Variants in TDRD1 observed in about 807,000 individuals in gnomAD.
The protein encoded by TDRD1 is tudor domain containing 1, also known as tudor domain-containing protein 1.
Under a neutral mutation model 140.6 loss-of-function variants are expected in TDRD1, and 37 were observed. The ratio of observed to expected loss-of-function variants is 0.26; its 90% CI spans 0.20 to 0.35. The LOEUF (loss-of-function observed/expected upper bound fraction) is 0.35. TDRD1 is among the 10% of genes least tolerant of loss of function. The pLI, the probability that TDRD1 is intolerant of heterozygous loss-of-function variation, is 1.00. For missense variants in TDRD1, 1,243 were observed against 1,393.0 expected, an observed-to-expected ratio of 0.89 and a Z score of 1.71; for synonymous variants, 506 against 475.7, an observed-to-expected ratio of 1.06 and a Z score of -0.83.
chr10:114,194,906 T>G (rs2120351273), intron 3 of TDRD1, among the ~76,000 whole-genome samples: 1 of 150,950 alleles, frequency 6.6e-6, no homozygotes, highest in African/African-American at 2.4e-5. Flanking sequence ...ACTACAGGTG[T>G]ATGCCACCAC....
intron 1 of TDRD1, among the ~76,000 whole-genome samples, chr10:114,187,492 A>G (rs1220622820): frequency 6.6e-6 from 1 of 152,228 alleles, no homozygotes; most frequent in Non-Finnish European, 1.5e-5. Flanking sequence ...TTAAAGTGTA[A>G]GCTTTAGGTT....
chr10:114,224,141 T>C (rs910485041), intron 21 of TDRD1, among the ~76,000 whole-genome samples: 3 of 152,248 alleles, frequency 2.0e-5, no homozygotes, highest in Admixed American at 1.3e-4. Flanking sequence ...TTTTCTGTTA[T>C]CTCCCATGTT....
chr10:114,223,379 C>G (rs953171033), intron 21 of TDRD1, among the ~76,000 whole-genome samples: 4 of 152,220 alleles, frequency 2.6e-5, no homozygotes, highest in African/African-American at 9.6e-5. Flanking sequence ...TCTTGAAAGT[C>G]TGCCACTGGG....
At position 114,210,568 on chromosome 10, in the gene TDRD1, T is replaced by C; in HGVS notation, c.1385-13T>C. 5 of 1,556,214 alleles carry C rather than the reference T, an allele frequency of 3.2e-6. No homozygotes were observed. Among genetic ancestry groups the C allele is most frequent in the Non-Finnish European group, 4.3e-6 (5 of 1,149,950 alleles). On this transcript the variant is annotated splice_polypyrimidine_tract_variant and intron_variant, in intron 11 of 25. Coordinates refer to ENST00000251864, the Ensembl canonical transcript of TDRD1. Reference sequence around the variant, plus strand: ...AAACAAAATGGCTTATTTTTCTGTTTTCTTCTGATAAGGTGATCCTGAAGA... The same window carrying C: ...AAACAAAATGGCTTATTTTTCTGTTCTCTTCTGATAAGGTGATCCTGAAGA...
At chr10:114,203,444 A>C (rs1172664982) in exon 8 of TDRD1, 2 of 1,613,822 alleles carry the variant, frequency 1.2e-6, no homozygotes, top group African/African-American at 2.7e-5. Flanking sequence ...TATATTCTTC[A>C]GAAGTTTTAG....
At chr10:114,182,979 C>T (rs900712463) in intron 1 of TDRD1, among the ~76,000 whole-genome samples, 2 of 152,102 alleles carry the variant, frequency 1.3e-5, no homozygotes, top group East Asian at 1.9e-4. Context: ...CCACCGCTCC[C>T]GGCCAATCAT....
At chr10:114,220,119 G>A (rs2036052774) in intron 18 of TDRD1, among the ~76,000 whole-genome samples, 1 of 152,128 alleles carries the variant, frequency 6.6e-6, no homozygotes, top group African/African-American at 2.4e-5. Flanking sequence ...TCGCTGCTAA[G>A]AAAACAAGGG....
chr10:114,180,988 A>G (rs78126440), intron 1 of TDRD1, among the ~76,000 whole-genome samples: 2,382 of 152,292 alleles, frequency 0.016, 55 homozygotes, highest in African/African-American at 0.055. Flanking sequence ...CATCAGGGAG[A>G]ACCGATAGGA....
At chr10:114,212,699 A>G (rs1016649130) in intron 14 of TDRD1, among the ~76,000 whole-genome samples, 9 of 152,262 alleles carry the variant, frequency 5.9e-5, no homozygotes, top group East Asian at 1.9e-4. Context: ...AGTGCCACCA[A>G]TGTTTCATAT....
At chr10:114,208,602 G>A (rs2035278551) in intron 11 of TDRD1, among the ~76,000 whole-genome samples, 1 of 152,050 alleles carries the variant, frequency 6.6e-6, no homozygotes, top group South Asian at 2.1e-4. Context: ...TTATGATTGT[G>A]CACCCTCTTG....
chr10:114,189,774 GC>G (rs1375350692), intron 2 of TDRD1, among the ~76,000 whole-genome samples: 1 of 152,106 alleles, frequency 6.6e-6, no homozygotes, highest in Non-Finnish European at 1.5e-5. Context: ...ATGAATTTTT[GC>G]TATTGCATAA....
chr10:114,222,108 T>G (rs2036180007), intron 20 of TDRD1, among the ~76,000 whole-genome samples: 1 of 152,220 alleles, frequency 6.6e-6, no homozygotes. Context: ...GTAATGCCAA[T>G]AACTGCTCTT....
chr10:114,214,802 G>A (rs569522343), intron 16 of TDRD1, among the ~76,000 whole-genome samples: 10 of 151,188 alleles, frequency 6.6e-5, no homozygotes, highest in African/African-American at 2.4e-4. Flanking sequence ...CAGTGGCACA[G>A]TGTAGGCTCA....
chr10:114,175,654 C>A (rs1035318994), upstream of TDRD1, among the ~76,000 whole-genome samples: 1 of 152,048 alleles, frequency 6.6e-6, no homozygotes, highest in Non-Finnish European at 1.5e-5. Flanking sequence ...GCAAGATAGC[C>A]TAGGACATAT....
intron 6 of TDRD1, 124 bp downstream of exon 6, chr10:114,202,422 A>G (rs899531816): frequency 1.8e-5 from 11 of 615,304 alleles, no homozygotes; most frequent in Non-Finnish European, 2.7e-5. Context: ...CTATTATATA[A>G]ATATGTACAC....
At chr10:114,215,622 T>G (rs2035771173) in intron 16 of TDRD1, among the ~76,000 whole-genome samples, 2 of 152,172 alleles carry the variant, frequency 1.3e-5, no homozygotes, top group South Asian at 4.1e-4. Context: ...GACATTAAAG[T>G]AGATAACTAA....
At chr10:114,218,279 A>T in intron 17 of TDRD1, 135 bp from the exon 18 acceptor site, 1 of 560,890 alleles carries the variant, frequency 1.8e-6, no homozygotes, top group Non-Finnish European at 3.0e-6. Context: ...ATTTTGAAAA[A>T]TGAAAGGCGT....
intron 16 of TDRD1, among the ~76,000 whole-genome samples, chr10:114,216,352 A>G (rs11196656): frequency 0.079 from 11,999 of 152,184 alleles, 477 homozygotes; most frequent in African/African-American, 0.086. Flanking sequence ...AATTAACCTA[A>G]GTTAACATCT....
intron 23 of TDRD1, 101 bp from the exon 24 acceptor site, chr10:114,227,809 C>G: frequency 1.1e-6 from 1 of 874,956 alleles, no homozygotes; most frequent in Non-Finnish European, 1.9e-6. Context: ...TAGTCGGAAC[C>G]CATGCGCAAG....
Sources: gnomAD v4.1 joint callset for allele counts (sites outside exome capture counted in the v4.1 genomes callset) on GRCh38, gnomAD v4.1.1 for gene constraint, MANE v1.5 for transcripts, NCBI Gene and HGNC (gene_info 2026-07-23, HGNC 2026-07-21) for gene names.